The following ZNF236 variants were observed in gnomAD, a reference collection of about 807,000 sequenced individuals.
The protein encoded by ZNF236 is zinc finger protein 236.
A neutral mutation model predicts 191.2 loss-of-function variants in ZNF236; 50 were observed. The observed-to-expected ratio is 0.26, with a 90% CI of 0.21 to 0.33. The LOEUF is 0.33. ZNF236 is among the 10% of genes least tolerant of loss of function. The pLI is 1.00. For missense variants in ZNF236, 1,754 were observed against 2,374.5 expected, an observed-to-expected ratio of 0.74 and a Z score of 5.43; for synonymous variants, 907 against 928.8, an observed-to-expected ratio of 0.98 and a Z score of 0.43.
At position 76,947,599 on chromosome 18, in the gene ZNF236, G is replaced by A; in HGVS notation, c.4861G>A (p.Val1621Met). Residue 1621 changes from valine (V) to methionine (M), a missense_variant, in exon 27 of 31, where the codon GTG becomes ATG. Coordinates refer to ENST00000320610, the MANE Select transcript of ZNF236 (RefSeq NM_001306089.2). ...GGAGSPQVIL[V>M]SHTPQSASAA... ...AGCAGGCTCGCCGCAAGTCATACTA[G>A]TGAGCCACACGCCACAGTCAGCGTC... is the stretch of plus-strand genomic sequence containing the variant. 1 of 1,614,082 alleles carries A rather than the reference G, an allele frequency of 6.2e-7. No homozygotes were observed. Among genetic ancestry groups the A allele is most frequent in the Non-Finnish European group, 8.5e-7 (1 of 1,179,988 alleles).
At position 76,969,468 on chromosome 18, in the gene ZNF236, G is replaced by A. The variant is rs1968867611; in HGVS notation, c.*1129G>A. 1 of 152,506 alleles carries A rather than the reference G, an allele frequency of 6.6e-6. No individual in the cohort carries two copies. Among genetic ancestry groups the A allele is most frequent in the Non-Finnish European group, 1.5e-5 (1 of 68,030 alleles). The allele number at this position is 152,506 out of a possible 1,614,324, so 9.4% of individuals were successfully genotyped here. A position where few individuals can be genotyped will look rare whatever the true frequency, so the allele number is the denominator to read the frequency against. On this transcript the variant is annotated 3_prime_UTR_variant, in exon 31 of 31. Coordinates refer to ENST00000320610, the MANE Select transcript of ZNF236 (RefSeq NM_001306089.2). ...TACATAGATATATGGGCCTCTGTGT[G>A]GCTGAACAGTATATTTTGTAAATAT...
In ZNF236 at chr18:76,915,559, A is replaced by T; in HGVS notation, c.3062-88A>T. ...AGGATAATGTTGTAACTTATTAAACATATCTTTGTTTGGTTTTGACTGCTT... is the reference window on the plus strand; with the variant it reads ...AGGATAATGTTGTAACTTATTAAACTTATCTTTGTTTGGTTTTGACTGCTT... On this transcript the variant is annotated intron_variant, in intron 18 of 30. Coordinates refer to ENST00000320610, the MANE Select transcript of ZNF236 (RefSeq NM_001306089.2). 4.9e-6 allele frequency: 6 copies of T among 1,223,114 alleles called. No individual in the cohort carries two copies. In the South Asian group the frequency reaches 7.9e-5, roughly 16 times the overall value. The allele number at this position is 1,223,114 out of a possible 1,614,324, so 75.8% of individuals were successfully genotyped here.
chr18:76,925,665 C>T lies in ZNF236; in HGVS notation c.4027+111C>T. ...GTTGTTTACCGTAGCACCACGTTTC[C>T]CTTCTTTGAGCCTTTTCCTTATAAG... On this transcript the variant is annotated intron_variant, in intron 22 of 30. Coordinates refer to ENST00000320610, the MANE Select transcript of ZNF236 (RefSeq NM_001306089.2). This position sits in a 1 kb window ranked among gnomAD's most constrained non-coding sequence, Gnocchi z 5.7. 1.4e-6 allele frequency: 2 copies of T among 1,407,546 alleles called. No homozygotes were observed. Among genetic ancestry groups the T allele is most frequent in the South Asian group, 1.5e-5 (1 of 67,358 alleles). The allele number at this position is 1,407,546 out of a possible 1,614,324, so 87.2% of individuals were successfully genotyped here.
rs188459807 is a variant in ZNF236, at chr18:76,828,004, T to G, written c.55+5342T>G. Among the ~76,000 whole-genome samples, 53 of 152,236 alleles carry G rather than the reference T, an allele frequency of 3.5e-4. No individual in the cohort carries two copies. In the East Asian group the frequency reaches 8.9e-3, roughly 26 times the overall value. On this transcript the variant is annotated intron_variant, in intron 1 of 30. Transcript: ENST00000320610. The stretch of plus-strand genomic sequence containing the variant: ...CCTTTTGGAGGGATATTTGTAATAC[T>G]TAGTTCATTTCCAGAGAGCGGAGAC...
chr18:76,848,824 C>A (rs1460363974), intron 1 of ZNF236, among the ~76,000 whole-genome samples: 1 of 152,126 alleles, frequency 6.6e-6, no homozygotes, highest in Non-Finnish European at 1.5e-5. Flanking sequence ...TGCCGCCATG[C>A]CTAGCTAATT....
At chr18:76,838,919 C>G (rs1483487943) in intron 1 of ZNF236, among the ~76,000 whole-genome samples, 3 of 152,182 alleles carry the variant, frequency 2.0e-5, no homozygotes, top group African/African-American at 7.2e-5. Context: ...AGCCACTTTG[C>G]TGATTTCTAA....
chr18:76,883,123 G>A (rs1015086084), intron 9 of ZNF236, among the ~76,000 whole-genome samples: 3 of 147,400 alleles, frequency 2.0e-5, no homozygotes. Flanking sequence ...GCATGTGCTG[G>A]TGAAGCAGCT....
At chr18:76,827,903 T>G (rs1169690241) in intron 1 of ZNF236, among the ~76,000 whole-genome samples, 2 of 152,222 alleles carry the variant, frequency 1.3e-5, no homozygotes, top group Admixed American at 1.3e-4. Flanking sequence ...GATTTCCATC[T>G]GTTTTCTCCA....
chr18:76,901,106 G>A (rs1174625676), intron 11 of ZNF236, among the ~76,000 whole-genome samples: 3 of 152,204 alleles, frequency 2.0e-5, no homozygotes, highest in African/African-American at 7.2e-5. Context: ...TTCCTAACAG[G>A]CAGCCTGGGG....
chr18:76,892,650 C>T lies in ZNF236; in HGVS notation c.1418-2363C>T, dbSNP rs190787042. On this transcript the variant is annotated intron_variant, in intron 9 of 30. Transcript: ENST00000320610. ...TGGTGCAGTCTTGGCTCACCATAAC[C>T]TCTGCCTCCCGGGTTCAAGTGATTC... 9.5e-4 allele frequency among the ~76,000 whole-genome samples: 145 copies of T among 152,256 alleles called. 3 individuals are homozygous for T. The highest frequency in any genetic ancestry group is 3.4e-3 in the African/African-American group (141 of 41,558).
intron 7 of ZNF236, among the ~76,000 whole-genome samples, chr18:76,879,336 T>TA (rs1250442187): frequency 3.3e-5 from 5 of 152,238 alleles, no homozygotes; most frequent in African/African-American, 4.8e-5. Flanking sequence ...TACAGAGAGC[T>TA]ACCATATACT....
At chr18:76,884,229 G>A (rs530738819) in intron 9 of ZNF236, among the ~76,000 whole-genome samples, 11 of 151,804 alleles carry the variant, frequency 7.2e-5, no homozygotes, top group East Asian at 3.9e-4. Context: ...GTGAAACCCC[G>A]TCTCTATTAA....
At chr18:76,901,820 T>C (rs1207853170) in intron 11 of ZNF236, among the ~76,000 whole-genome samples, 1 of 152,176 alleles carries the variant, frequency 6.6e-6, no homozygotes, top group African/African-American at 2.4e-5. Flanking sequence ...GGAACTATAA[T>C]TGTTATGCTA....
At chr18:76,883,366 T>C (rs1437350425) in intron 9 of ZNF236, among the ~76,000 whole-genome samples, 2 of 63,518 alleles carry the variant, frequency 3.1e-5, no homozygotes, top group East Asian at 1.3e-3. Context: ...CCAGTGCTTT[T>C]TTTTTTTTTT....
intron 27 of ZNF236, among the ~76,000 whole-genome samples, chr18:76,949,716 T>C (rs1968356615): frequency 6.7e-6 from 1 of 150,374 alleles, no homozygotes; most frequent in Admixed American, 6.7e-5. Flanking sequence ...TAGAGTGCAG[T>C]GGTGCAATCT....
chr18:76,906,335 A>G (rs988618535), intron 13 of ZNF236, among the ~76,000 whole-genome samples: 2 of 151,748 alleles, frequency 1.3e-5, no homozygotes, highest in African/African-American at 4.8e-5. Flanking sequence ...TTATATGTGG[A>G]CTCCTGTTAA....
rs746173846 is a variant in ZNF236, at chr18:76,849,631, T to G, written c.161T>G (p.Phe54Cys). The change falls in exon 2 of 31, where the codon TTT (phenylalanine) becomes TGT (cysteine). Residue 54 changes from phenylalanine (F) to cysteine (C), a missense_variant. By Grantham distance (205) the Phe-to-Cys change is radical (BLOSUM62 -2). Coordinates refer to ENST00000320610, the MANE Select transcript of ZNF236 (RefSeq NM_001306089.2). Reference sequence around the variant, plus strand: ...CTATCTTTTCCAAAAGAATCCCAGTTTCAACGCCACATGAGGGATCACGAG... The same window carrying G: ...CTATCTTTTCCAAAAGAATCCCAGTGTCAACGCCACATGAGGGATCACGAG... The part of the protein sequence containing the change: ...CLLSFPKESQ[F>C]QRHMRDHERN... 1 of 1,608,984 alleles carries G rather than the reference T, an allele frequency of 6.2e-7. No individual in the cohort carries two copies.
intron 20 of ZNF236, 145 bp from the exon 21 acceptor site, chr18:76,922,926 A>AT (rs1193074120): frequency 4.3e-5 from 27 of 628,348 alleles, no homozygotes; most frequent in East Asian, 8.6e-5. Flanking sequence ...TGTTTATGGT[A>AT]TTTTTTGTAT....
chr18:76,918,877 C>T (rs890885471), intron 19 of ZNF236, among the ~76,000 whole-genome samples: 152 of 152,124 alleles, frequency 1.0e-3, no homozygotes, highest in African/African-American at 3.5e-3. Context: ...TATAGTGTAT[C>T]GTTTATTGAA....
Sources: allele counts gnomAD v4.1 joint callset (sites outside exome capture counted in the v4.1 genomes callset), GRCh38; gene constraint gnomAD v4.1.1; non-coding constraint Gnocchi (gnomAD v3.1); transcripts MANE v1.5; gene names NCBI Gene and HGNC (gene_info 2026-07-23, HGNC 2026-07-21).